The following ASH1L variants were observed in gnomAD, a reference collection of about 807,000 sequenced individuals.
The protein encoded by ASH1L is histone-lysine N-methyltransferase ASH1L.
In ASH1L, 23 loss-of-function variants were observed where a neutral mutation model predicts 269.0. The observed-to-expected ratio is 0.09, with a 90% CI of 0.06 to 0.12. The LOEUF is 0.12. Ranked by LOEUF, ASH1L falls within the 10% of genes least tolerant of loss-of-function variation. ASH1L has a pLI of 1.00. For missense variants in ASH1L, 2,912 were observed against 3,567.8 expected, an observed-to-expected ratio of 0.82 and a Z score of 4.68; for synonymous variants, 1,187 against 1,253.5, an observed-to-expected ratio of 0.95 and a Z score of 1.12.
chr1:155,396,241 T>C (rs546567871), intron 6 of ASH1L: 1 of 151,906 alleles, frequency 6.6e-6, no homozygotes. Flanking sequence ...AAAAGGAAAA[T>C]GAGAAAAAAG....
chr1:155,340,079 G>A (rs1036924687), intron 25 of ASH1L, among the ~76,000 whole-genome samples: 5 of 151,904 alleles, frequency 3.3e-5, no homozygotes, highest in Admixed American at 2.6e-4. Context: ...GTCTAGATGC[G>A]AGGAAAGACC....
chr1:155,490,035 C>A (rs1203113014), intron 2 of ASH1L, among the ~76,000 whole-genome samples: 1 of 150,760 alleles, frequency 6.6e-6, no homozygotes, highest in East Asian at 2.1e-4. Context: ...GTGGTGCCAT[C>A]TCGGCTCACT....
At chr1:155,386,983 C>CTT (rs760311702) in intron 7 of ASH1L, among the ~76,000 whole-genome samples, 1 of 143,736 alleles carries the variant, frequency 7.0e-6, no homozygotes, top group African/African-American at 2.5e-5. Context: ...ACAATTAAGT[C>CTT]TTTTTTTTTT....
At chr1:155,432,536 C>T (rs1035302294) in intron 5 of ASH1L, among the ~76,000 whole-genome samples, 1 of 152,194 alleles carries the variant, frequency 6.6e-6, no homozygotes, top group East Asian at 1.9e-4. Flanking sequence ...CCAATTAGAA[C>T]AAGTTGAAAA....
intron 1 of ASH1L, among the ~76,000 whole-genome samples, chr1:155,532,092 G>C (rs1669709809): frequency 6.6e-6 from 1 of 152,122 alleles, no homozygotes; most frequent in African/African-American, 2.4e-5. Context: ...GAAAAACACA[G>C]ACCTAAGATT....
At chr1:155,384,240 G>C (rs1657222613) in intron 7 of ASH1L, among the ~76,000 whole-genome samples, 1 of 152,014 alleles carries the variant, frequency 6.6e-6, no homozygotes, top group Non-Finnish European at 1.5e-5. Flanking sequence ...ACATCTGCTG[G>C]CAACAAACTC....
intron 15 of ASH1L, among the ~76,000 whole-genome samples, 192 bp downstream of exon 15, chr1:155,357,124 G>C (rs1356233416): frequency 2.2e-5 from 1 of 44,976 alleles, no homozygotes; most frequent in Non-Finnish European, 4.2e-5. Context: ...CACACAAAAG[G>C]GTAAGACTTA....
Position 155,338,132 on chromosome 1 carries a change from G to A in ASH1L, c.8760C>T (p.Asn2920=). ...TTTCAAGGAGATTGAGCAAGATCTG[G>A]TTGAGTCGTTCCCGTTGGTTATGCC... ...ERRHNQRERL[N]QILLNLLEKI... Residue 2920 remains asparagine, a synonymous_variant, in exon 27 of 28, where the codon AAC becomes AAT. Transcript: ENST00000392403. The A allele has an allele frequency of 1.2e-6, 2 of 1,614,068 alleles. No homozygotes were observed. The highest frequency in any genetic ancestry group is 2.2e-5 in the East Asian group (1 of 44,882).
intron 16 of ASH1L, among the ~76,000 whole-genome samples, chr1:155,353,667 G>C (rs1654116927): frequency 6.6e-6 from 1 of 152,134 alleles, no homozygotes; most frequent in Non-Finnish European, 1.5e-5. Flanking sequence ...TGTGAGTACA[G>C]TGCTAATCTG....
At chr1:155,434,090 C>T (rs1362696768) in intron 5 of ASH1L, 17 of 1,592,260 alleles carry the variant, frequency 1.1e-5, no homozygotes, top group Non-Finnish European at 1.5e-5. Flanking sequence ...TGCTGGGTCT[C>T]CTTTCTCAGG....
intron 7 of ASH1L, among the ~76,000 whole-genome samples, chr1:155,388,483 G>A (rs992104800): frequency 1.3e-5 from 2 of 151,722 alleles, no homozygotes; most frequent in African/African-American, 2.4e-5. Flanking sequence ...TTAAATTTTT[G>A]TATACATGGG....
chr1:155,380,080 A>G lies in ASH1L; in HGVS notation c.6140T>C (p.Leu2047Pro). Reference protein sequence around the residue: ...YLRQKRIDFQLPYDILWQWKH... With the variant: ...YLRQKRIDFQPPYDILWQWKH... ...CCACTGCCAAAGGATATCATAAGGAAGCTGGAAGTCAATTCTCTTTTGTCT... is the reference window on the plus strand; with the variant it reads ...CCACTGCCAAAGGATATCATAAGGAGGCTGGAAGTCAATTCTCTTTTGTCT... Residue 2047 changes from leucine to proline, a missense_variant, in exon 8 of 28, where the codon CTT becomes CCT. Physicochemically the swap from Leu to Pro is moderately conservative, Grantham distance 98. This residue lies in a region of ASH1L where 193 missense variants were observed against 311.6 expected (regional missense o/e 0.62). Coordinates refer to ENST00000392403, the MANE Select transcript of ASH1L (RefSeq NM_018489.3). The G allele has an allele frequency of 6.2e-7, 1 of 1,613,426 alleles. No homozygotes were observed. The highest frequency in any genetic ancestry group is 8.5e-7 in the Non-Finnish European group (1 of 1,179,486).
intron 5 of ASH1L, among the ~76,000 whole-genome samples, chr1:155,434,572 G>A (rs1224877708): frequency 1.3e-5 from 2 of 151,902 alleles, no homozygotes; most frequent in Non-Finnish European, 2.9e-5. Flanking sequence ...ATTTAGGATG[G>A]TGGGGCGCCG....
In ASH1L at chr1:155,374,127, G is replaced by A. The variant is rs528176655; in HGVS notation, c.6333-3144C>T. 3.9e-5 allele frequency among the ~76,000 whole-genome samples: 6 copies of A among 152,256 alleles called. No individual in the cohort carries two copies. The East Asian group carries it at 7.7e-4, about 20-fold the overall frequency. Reference sequence around the variant, plus strand: ...GAGGATCACGTGAGGTCAGGAGTTCGAGATCAGCCTGGCCAACACGGCGAA... The same window carrying A: ...GAGGATCACGTGAGGTCAGGAGTTCAAGATCAGCCTGGCCAACACGGCGAA... On this transcript the variant is annotated intron_variant, in intron 10 of 27. Transcript: ENST00000392403.
intron 5 of ASH1L, among the ~76,000 whole-genome samples, chr1:155,426,950 A>T (rs1661207607): frequency 6.6e-6 from 1 of 152,074 alleles, no homozygotes; most frequent in Non-Finnish European, 1.5e-5. Flanking sequence ...TACTGGGCAC[A>T]ATTTGTTGAA....
chr1:155,520,689 C>T (rs1668824977), intron 2 of ASH1L, among the ~76,000 whole-genome samples: 2 of 151,698 alleles, frequency 1.3e-5, no homozygotes, highest in Non-Finnish European at 2.9e-5. Context: ...ATGGTGAAAC[C>T]CCGTCTCTAC....
chr1:155,415,691 T>C, intron 6 of ASH1L, 53 bp downstream of exon 6: 2 of 1,555,502 alleles, frequency 1.3e-6, no homozygotes, highest in Non-Finnish European at 1.8e-6. Flanking sequence ...GTCAAAGTAT[T>C]TTTCCAAATG....
intron 2 of ASH1L, among the ~76,000 whole-genome samples, chr1:155,489,503 G>A (rs1666596193): frequency 6.6e-6 from 1 of 151,580 alleles, no homozygotes; most frequent in Non-Finnish European, 1.5e-5. Flanking sequence ...GGGCACGGTG[G>A]CTCACACCTG....
chr1:155,381,121 T>C (rs1313611923), intron 7 of ASH1L, among the ~76,000 whole-genome samples: 1 of 152,196 alleles, frequency 6.6e-6, no homozygotes, highest in Non-Finnish European at 1.5e-5. Flanking sequence ...AATAAACCTA[T>C]AGCGCTACCA....
Sources: gnomAD v4.1 joint callset for allele counts (sites outside exome capture counted in the v4.1 genomes callset) on GRCh38, gnomAD v4.1.1 for gene constraint, gnomAD v4.1.1 regional missense constraint, MANE v1.5 for transcripts, NCBI Gene and HGNC (gene_info 2026-07-23, HGNC 2026-07-21) for gene names.